ATG4C: variants seen among roughly 807,000 people sequenced by gnomAD.
ATG4C encodes cysteine protease ATG4C.
ATG4C carries 56 observed loss-of-function variants against 57.6 expected under a neutral mutation model. The ratio of observed to expected loss-of-function variants is 0.97; its 90% CI spans 0.78 to 1.21. ATG4C has a LOEUF of 1.21. Ranked by LOEUF, ATG4C falls within the 50% of genes most tolerant of loss-of-function variation. ATG4C has a pLI of 0.00. For synonymous variants in ATG4C, 157 were observed against 174.1 expected, an observed-to-expected ratio of 0.90 and a Z score of 0.78; for missense variants, 595 against 529.8, an observed-to-expected ratio of 1.12 and a Z score of -1.21.
At chr1:62,863,378 A>G (rs927680350) in intron 10 of ATG4C, among the ~76,000 whole-genome samples, 1 of 152,054 alleles carries the variant, frequency 6.6e-6, no homozygotes, top group African/African-American at 2.4e-5. Flanking sequence ...ATAACTTCAT[A>G]TTATTGCTTT....
At chr1:62,792,869 C>T (rs371075642) in intron 1 of ATG4C, among the ~76,000 whole-genome samples, 2 of 148,292 alleles carry the variant, frequency 1.3e-5, no homozygotes, top group East Asian at 2.0e-4. Context: ...GAGCAGATCA[C>T]AGCTCTCAGG....
chr1:62,815,618 C>G (rs1324808871), intron 3 of ATG4C, among the ~76,000 whole-genome samples: 1 of 152,180 alleles, frequency 6.6e-6, no homozygotes, highest in Admixed American at 6.5e-5. Context: ...GCAGCCTCAA[C>G]CTCCTGGCTC....
intron 1 of ATG4C, among the ~76,000 whole-genome samples, chr1:62,801,740 C>T (rs956086966): frequency 6.6e-6 from 1 of 151,600 alleles, no homozygotes; most frequent in African/African-American, 2.4e-5. Flanking sequence ...GGGCGGATCA[C>T]GAGGTCAGGA....
intron 10 of ATG4C, among the ~76,000 whole-genome samples, chr1:62,842,560 T>C (rs150037939): frequency 6.6e-6 from 1 of 152,262 alleles, no homozygotes; most frequent in Non-Finnish European, 1.5e-5. Context: ...AACTTATATA[T>C]AATAGTAACT....
chr1:62,789,276 C>T (rs893583360), intron 1 of ATG4C, among the ~76,000 whole-genome samples: 5 of 152,058 alleles, frequency 3.3e-5, no homozygotes, highest in African/African-American at 9.7e-5. Context: ...CTATGCAGTG[C>T]GTTATAATTT....
intron 7 of ATG4C, 76 bp downstream of exon 7, chr1:62,829,252 C>T: frequency 6.7e-7 from 1 of 1,490,806 alleles, no homozygotes; most frequent in Non-Finnish European, 9.2e-7. Flanking sequence ...CAATTTTTTT[C>T]TGTTAAATGA....
intron 7 of ATG4C, among the ~76,000 whole-genome samples, chr1:62,831,038 G>A (rs1317891891): frequency 6.6e-6 from 1 of 152,108 alleles, no homozygotes; most frequent in Non-Finnish European, 1.5e-5. Context: ...CTGTAAGTTT[G>A]TTTTTCATGG....
chr1:62,840,104 AT>A (rs1476844554), intron 9 of ATG4C, among the ~76,000 whole-genome samples: 4 of 152,184 alleles, frequency 2.6e-5, no homozygotes, highest in African/African-American at 9.6e-5. Flanking sequence ...AGTTTTAGGC[AT>A]TGAATGTAGG....
intron 1 of ATG4C, among the ~76,000 whole-genome samples, chr1:62,792,850 T>C (rs1450629812): frequency 1.3e-5 from 2 of 151,572 alleles, no homozygotes; most frequent in Non-Finnish European, 2.9e-5. Context: ...TTAGTGAGTC[T>C]GAACCAGAGA....
Position 62,815,064 on chromosome 1 carries a change from C to G in ATG4C, c.161-1511C>G, listed in dbSNP as rs190804850. 2.7e-3 allele frequency among the ~76,000 whole-genome samples: 410 copies of G among 151,970 alleles called. 5 individuals carry two copies. Among genetic ancestry groups the G allele is most frequent in the African/African-American group, 9.5e-3 (394 of 41,484 alleles). On this transcript the variant is annotated intron_variant, in intron 3 of 10. Transcript: ENST00000317868. ...TGGGTGACAGAACGAGACTCTTTCTCAAAAACTAAAAATAAATAAATAAAT... is the reference window on the plus strand; with the variant it reads ...TGGGTGACAGAACGAGACTCTTTCTGAAAAACTAAAAATAAATAAATAAAT...
In ATG4C at chr1:62,832,477, C is replaced by T. The variant is rs182795597; in HGVS notation, c.934-1561C>T. 2.4e-4 allele frequency among the ~76,000 whole-genome samples: 37 copies of T among 152,270 alleles called. No individual in the cohort carries two copies. In the East Asian group the frequency reaches 4.1e-3, roughly 17 times the overall value. On this transcript the variant is annotated intron_variant, in intron 7 of 10. Coordinates refer to ENST00000317868, the MANE Select transcript of ATG4C (RefSeq NM_032852.4). Reference sequence around the variant, plus strand: ...GGAAGACAGAAGGGCCGAAAGAGGGCGAACTCTGTCCTCACGTGGCAGAGG... The same window carrying T: ...GGAAGACAGAAGGGCCGAAAGAGGGTGAACTCTGTCCTCACGTGGCAGAGG...
chr1:62,826,100 T>C (rs1572137421), intron 6 of ATG4C, among the ~76,000 whole-genome samples: 1 of 149,062 alleles, frequency 6.7e-6, no homozygotes, highest in Non-Finnish European at 1.5e-5. Context: ...GTAGAGACGG[T>C]GTTTCGCCAT....
At chr1:62,790,083 T>C (rs1439490101) in intron 1 of ATG4C, among the ~76,000 whole-genome samples, 1 of 152,012 alleles carries the variant, frequency 6.6e-6, no homozygotes, top group Non-Finnish European at 1.5e-5. Context: ...CCCAGCTAGT[T>C]TTGTATTTTT....
At position 62,792,616 on chromosome 1, in the gene ATG4C, GT is replaced by G. The variant is rs1664314813; in HGVS notation, c.-69+8345del. ...TAGTTACTATGGATACTCTAAAACAGTTATGGATGCTCTAGAACAGATATGA... is the reference window on the plus strand; with the variant it reads ...TAGTTACTATGGATACTCTAAAACAGTATGGATGCTCTAGAACAGATATGA... On this transcript the variant is annotated intron_variant, in intron 1 of 10. Coordinates refer to ENST00000317868, the MANE Select transcript of ATG4C (RefSeq NM_032852.4). 2.6e-5 allele frequency among the ~76,000 whole-genome samples: 4 copies of G among 152,186 alleles called. No homozygotes were observed. The South Asian group carries it at 8.3e-4, about 31-fold the overall frequency.
chr1:62,803,545 TTC>T (rs1664753622), intron 1 of ATG4C, among the ~76,000 whole-genome samples, 172 bp from the exon 2 acceptor site: 1 of 152,090 alleles, frequency 6.6e-6, no homozygotes, highest in African/African-American at 2.4e-5. Context: ...TCTATAAGAT[TTC>T]TGTTTGTAAA....
chr1:62,847,607 C>T (rs1572166070), intron 10 of ATG4C, among the ~76,000 whole-genome samples: 3 of 152,196 alleles, frequency 2.0e-5, no homozygotes, highest in East Asian at 3.9e-4. Context: ...AAAAAATCAC[C>T]AGGAGAAGAG....
chr1:62,785,050 C>G (rs1329407220), intron 1 of ATG4C, among the ~76,000 whole-genome samples: 2 of 152,198 alleles, frequency 1.3e-5, no homozygotes, highest in African/African-American at 4.8e-5. Context: ...CAGAAGAATA[C>G]CTCGTCTTAC....
At chr1:62,806,576 A>G (rs1664887048) in intron 3 of ATG4C, among the ~76,000 whole-genome samples, 1 of 152,136 alleles carries the variant, frequency 6.6e-6, no homozygotes, top group African/African-American at 2.4e-5. Context: ...AGTAAATGAT[A>G]AAGAAGCTAT....
rs1483858311 is a variant in ATG4C at position 62,805,177 on chromosome 1, G to T, written c.82G>T (p.Val28Leu). 2 of 1,518,280 alleles carry T rather than the reference G, an allele frequency of 1.3e-6. No homozygotes were observed. Among genetic ancestry groups the T allele is most frequent in the Non-Finnish European group, 1.7e-6 (2 of 1,145,264 alleles). The allele number at this position is 1,518,280 out of a possible 1,614,324, so 94.1% of individuals were successfully genotyped here. ...CTTTTTTTTTTTTTTGCTAGGTTGG[G>T]TGTTGAAAACAAAGACGTATTTTAG... ...SAWNNMKYSWVLKTKTYFSRN... is the reference protein window; with the variant it reads ...SAWNNMKYSWLLKTKTYFSRN... Residue 28 changes from valine to leucine, a missense_variant, in exon 3 of 11, where the codon GTG (valine) becomes TTG (leucine). Transcript: ENST00000317868.
Sources: gnomAD v4.1 joint callset for allele counts (sites outside exome capture counted in the v4.1 genomes callset) on GRCh38, gnomAD v4.1.1 for gene constraint, MANE v1.5 for transcripts, NCBI Gene and HGNC (gene_info 2026-07-23, HGNC 2026-07-21) for gene names.